The following HHLA1 variants were observed in gnomAD, a reference collection of about 807,000 sequenced individuals.
HHLA1 encodes HERV-H LTR-associating protein 1.
A neutral mutation model predicts 69.9 loss-of-function variants in HHLA1; 72 were observed. The observed-to-expected ratio is 1.03, with a 90% CI of 0.85 to 1.25. HHLA1 has a LOEUF of 1.25. Among genes scored for constraint, HHLA1 ranks in the 50% most tolerant of loss-of-function variants. The pLI, the probability that HHLA1 is intolerant of heterozygous loss-of-function variation, is 0.00. For synonymous variants in HHLA1, 252 were observed against 233.2 expected, an observed-to-expected ratio of 1.08 and a Z score of -0.73; for missense variants, 685 against 642.2, an observed-to-expected ratio of 1.07 and a Z score of -0.72.
chr8:132,080,582 G>A (rs1025727398), intron 10 of HHLA1: 5 of 170,102 alleles, frequency 2.9e-5, no homozygotes, highest in African/African-American at 1.2e-4. Flanking sequence ...GGTGGGGCAG[G>A]GCATATTCAC....
chr8:132,083,388 C>T (rs373310378), intron 10 of HHLA1, among the ~76,000 whole-genome samples: 5,360 of 151,920 alleles, frequency 0.035, 128 homozygotes, highest in African/African-American at 0.067. Flanking sequence ...GAGTGGGTAG[C>T]CTCCGTATTG....
At chr8:132,094,882 G>A (rs780513258) in intron 7 of HHLA1, among the ~76,000 whole-genome samples, 10 of 152,070 alleles carry the variant, frequency 6.6e-5, no homozygotes, top group Admixed American at 1.3e-4. Flanking sequence ...GTGAATTAAC[G>A]GTGCAAAAAT....
At chr8:132,085,372 G>A (rs1823842674) in intron 10 of HHLA1, 1 of 318,544 alleles carries the variant, frequency 3.1e-6, no homozygotes, top group South Asian at 2.4e-5. Flanking sequence ...TAGTGAGGGA[G>A]GTTGGAGATG....
intron 3 of HHLA1, among the ~76,000 whole-genome samples, chr8:132,102,030 C>A (rs1465469051): frequency 2.0e-5 from 3 of 152,178 alleles, no homozygotes; most frequent in Admixed American, 2.0e-4. Flanking sequence ...TGGTGAGCAC[C>A]TTTCTATTCT....
At chr8:132,086,462 A>G (rs1434021507) in intron 10 of HHLA1, among the ~76,000 whole-genome samples, 1 of 152,210 alleles carries the variant, frequency 6.6e-6, no homozygotes, top group African/African-American at 2.4e-5. Context: ...TCAACCAGAC[A>G]TGGGGCTAAG....
At chr8:132,093,361 C>T (rs888968971) in intron 7 of HHLA1, among the ~76,000 whole-genome samples, 26 of 151,914 alleles carry the variant, frequency 1.7e-4, no homozygotes, top group African/African-American at 5.6e-4. Context: ...AAACTTAAGC[C>T]AGTTTCATTT....
chr8:132,104,233 C>G, intron 2 of HHLA1, 66 bp from the exon 3 acceptor site: 3 of 1,109,226 alleles, frequency 2.7e-6, no homozygotes, highest in Non-Finnish European at 4.0e-6. Flanking sequence ...TAATTTGATT[C>G]AACATACCCA....
chr8:132,070,546 T>A (rs921490864), intron 15 of HHLA1, among the ~76,000 whole-genome samples: 8 of 152,054 alleles, frequency 5.3e-5, no homozygotes, highest in Non-Finnish European at 8.8e-5. Flanking sequence ...CATATCTCAA[T>A]ATAGCTTAAT....
rs568917484 is a variant in HHLA1, at chr8:132,063,502, A to T, written c.*493T>A. On this transcript the variant is annotated 3_prime_UTR_variant, in exon 17 of 17. Coordinates refer to ENST00000414222, the MANE Select transcript of HHLA1 (RefSeq NM_001145095.3). ...AAGTCTGATTGGTTGTACATGTATTAGTTAACTATCAGTATATGTGAATCT... is the reference window on the plus strand; with the variant it reads ...AAGTCTGATTGGTTGTACATGTATTTGTTAACTATCAGTATATGTGAATCT... 2 of 152,494 alleles carry T rather than the reference A, an allele frequency of 1.3e-5. No individual in the cohort carries two copies. The highest frequency in any genetic ancestry group is 4.1e-4 in the South Asian group (2 of 4,834). 9.4% of individuals were successfully genotyped at this position (152,494 alleles called of 1,614,324 possible). A position where few individuals can be genotyped will look rare whatever the true frequency, so the allele number is the denominator to read the frequency against.
intron 1 of HHLA1, among the ~76,000 whole-genome samples, chr8:132,107,138 T>A (rs1824214478): frequency 2.0e-5 from 3 of 152,146 alleles, no homozygotes; most frequent in Admixed American, 2.0e-4. Flanking sequence ...GAACTCAGCA[T>A]CATACCAGAG....
At chr8:132,105,313 G>A in intron 1 of HHLA1, 27 bp from the exon 2 acceptor site, 2 of 1,403,270 alleles carry the variant, frequency 1.4e-6, no homozygotes. Flanking sequence ...AAACACTTAG[G>A]AAACTAAGCA....
At chr8:132,108,818 A>G in intron 1 of HHLA1, among the ~76,000 whole-genome samples, 1 of 152,142 alleles carries the variant, frequency 6.6e-6, no homozygotes, top group East Asian at 1.9e-4. Context: ...GAGTGGGCAC[A>G]CAAACCTCAC....
Position 132,072,343 on chromosome 8 carries a change from G to A in HHLA1, c.1316-850C>T, listed in dbSNP as rs142270069. On this transcript the variant is annotated intron_variant, in intron 14 of 16. Coordinates refer to ENST00000414222, the MANE Select transcript of HHLA1 (RefSeq NM_001145095.3). The stretch of plus-strand genomic sequence containing the variant: ...CCCATCCCTATCATATAGAATGACT[G>A]GAAGGATTAAATGAGACAATTTATA... Among the ~76,000 whole-genome samples the A allele has an allele frequency of 3.1e-3, 470 of 152,112 alleles. 2 individuals are homozygous for A. The highest frequency in any genetic ancestry group is 0.017 in the Middle Eastern group (5 of 294).
chr8:132,077,975 CA>C lies in HHLA1; in HGVS notation c.926-5del. ...GTTCTGGCCACCCTCCTGGTAGCTG[CA>C]CATTCAAAGTGACAGTAACAGGGTA... On this transcript the variant is annotated splice_polypyrimidine_tract_variant and splice_region_variant and intron_variant, in intron 11 of 16. Transcript: ENST00000414222. 1 of 1,551,496 alleles carries C rather than the reference CA, an allele frequency of 6.4e-7. No individual in the cohort carries two copies. Among genetic ancestry groups the C allele is most frequent in the South Asian group, 1.2e-5 (1 of 84,054 alleles).
At chr8:132,074,496 A>G (rs1229249394) in intron 14 of HHLA1, among the ~76,000 whole-genome samples, 1 of 152,220 alleles carries the variant, frequency 6.6e-6, no homozygotes, top group Non-Finnish European at 1.5e-5. Context: ...ATTATTGTGA[A>G]GAGAAAGTAA....
rs1347534349 is a variant in HHLA1 at position 132,087,903 on chromosome 8, T to C, written c.533-2A>G. Reference sequence around the variant, plus strand: ...AATCTGATTCATTGCTTTGATTCACTGTAAGACAAACGAGTATACAATAAG... The same window carrying C: ...AATCTGATTCATTGCTTTGATTCACCGTAAGACAAACGAGTATACAATAAG... On this transcript the variant is annotated splice_acceptor_variant, in intron 8 of 16. Coordinates refer to ENST00000414222, the MANE Select transcript of HHLA1 (RefSeq NM_001145095.3). LOFTEE classifies it high-confidence loss of function. The C allele has an allele frequency of 3.2e-6, 5 of 1,549,956 alleles. No homozygotes were observed.
At chr8:132,082,227 G>T (rs983847926) in intron 10 of HHLA1, among the ~76,000 whole-genome samples, 1 of 152,202 alleles carries the variant, frequency 6.6e-6, no homozygotes, top group African/African-American at 2.4e-5. Flanking sequence ...GAAGAAAATA[G>T]ATTTTGGAAG....
intron 15 of HHLA1, among the ~76,000 whole-genome samples, chr8:132,066,980 T>G (rs927892863): frequency 1.3e-5 from 2 of 152,148 alleles, no homozygotes; most frequent in Non-Finnish European, 2.9e-5. Context: ...TAGAGGGACT[T>G]TAATACGATG....
chr8:132,062,224 T>A lies in HHLA1; in HGVS notation c.*1771A>T, dbSNP rs1032856258. 6.6e-6 allele frequency: 1 copy of A among 152,236 alleles called. No homozygotes were observed. The highest frequency in any genetic ancestry group is 1.5e-5 in the Non-Finnish European group (1 of 68,046). 9.4% of individuals were successfully genotyped at this position (152,236 alleles called of 1,614,324 possible). A position where few individuals can be genotyped will look rare whatever the true frequency, so the allele number is the denominator to read the frequency against. On this transcript the variant is annotated 3_prime_UTR_variant, in exon 17 of 17. Coordinates refer to ENST00000414222, the MANE Select transcript of HHLA1 (RefSeq NM_001145095.3). ...TGTATCCTCTTCATCTTTGCAAAAG[T>A]CATGATAATATACATTTATGAGCTT...
Sources: allele counts gnomAD v4.1 joint callset (sites outside exome capture counted in the v4.1 genomes callset), GRCh38; gene constraint gnomAD v4.1.1; transcripts MANE v1.5; gene names NCBI Gene and HGNC (gene_info 2026-07-23, HGNC 2026-07-21).